The following SMYD3 variants were observed in gnomAD, a reference collection of about 807,000 sequenced individuals.
SMYD3 encodes the protein histone-lysine N-methyltransferase SMYD3.
SMYD3 carries 36 observed loss-of-function variants against 57.7 expected under a neutral mutation model. That is an observed-to-expected ratio of 0.62 (90% confidence interval 0.48 to 0.82). The LOEUF (loss-of-function observed/expected upper bound fraction) is 0.82, where lower values mean the gene tolerates loss of function less well. Ranked by LOEUF, SMYD3 falls within the 40% of genes least tolerant of loss-of-function variation. The pLI is 0.00. For synonymous variants in SMYD3, 211 were observed against 195.0 expected, an observed-to-expected ratio of 1.08 and a Z score of -0.68; for missense variants, 515 against 538.8, an observed-to-expected ratio of 0.96 and a Z score of 0.44.
chr1:246,405,481 T>C (rs2066846838), intron 1 of SMYD3, among the ~76,000 whole-genome samples: 1 of 152,166 alleles, frequency 6.6e-6, no homozygotes, highest in African/African-American at 2.4e-5. Context: ...ATCCCAGAGC[T>C]AGCCAGAAAA....
At chr1:245,839,472 G>GC (rs1572483277) in intron 10 of SMYD3, among the ~76,000 whole-genome samples, 2 of 152,212 alleles carry the variant, frequency 1.3e-5, no homozygotes, top group East Asian at 3.9e-4. Context: ...CCCAGCCCAG[G>GC]CCAGCCTTTC....
chr1:246,103,430 G>T (rs1468542476), intron 5 of SMYD3, among the ~76,000 whole-genome samples: 1 of 151,022 alleles, frequency 6.6e-6, no homozygotes, highest in Admixed American at 6.6e-5. Context: ...GATTCAGTTT[G>T]TCCATGTAAA....
chr1:246,436,137 T>A (rs1438913642), intron 1 of SMYD3, among the ~76,000 whole-genome samples: 1 of 149,152 alleles, frequency 6.7e-6, no homozygotes, highest in African/African-American at 2.5e-5. Flanking sequence ...AGAGAAAATA[T>A]AAAGGCTATG....
chr1:246,149,748 CA>C (rs2061912762), intron 5 of SMYD3, among the ~76,000 whole-genome samples: 1 of 152,148 alleles, frequency 6.6e-6, no homozygotes, highest in Non-Finnish European at 1.5e-5. Flanking sequence ...GCCAAGTAGA[CA>C]GAATATTAAA....
chr1:246,506,517 C>T (rs1018737449), intron 1 of SMYD3, among the ~76,000 whole-genome samples: 2 of 152,184 alleles, frequency 1.3e-5, no homozygotes, highest in East Asian at 1.9e-4. Flanking sequence ...CGTTCCTCTT[C>T]GTATCCCCAG....
intron 10 of SMYD3, among the ~76,000 whole-genome samples, chr1:245,781,296 A>G (rs553114308): frequency 6.6e-6 from 1 of 152,354 alleles, no homozygotes; most frequent in South Asian, 2.1e-4. Flanking sequence ...GACAGATACT[A>G]TTATTGTTGC....
chr1:245,757,085 T>C (rs897938622), intron 11 of SMYD3, among the ~76,000 whole-genome samples: 1 of 152,104 alleles, frequency 6.6e-6, no homozygotes, highest in Non-Finnish European at 1.5e-5. Flanking sequence ...CATATAGCCA[T>C]AACTTTTGCA....
intron 5 of SMYD3, among the ~76,000 whole-genome samples, chr1:246,074,863 G>A (rs1237510643): frequency 6.6e-6 from 1 of 151,646 alleles, no homozygotes; most frequent in Non-Finnish European, 1.5e-5. Context: ...CTTCACAGGG[G>A]TAACAAAGTT....
intron 1 of SMYD3, among the ~76,000 whole-genome samples, chr1:246,492,827 G>A (rs967952333): frequency 1.3e-5 from 2 of 152,168 alleles, no homozygotes; most frequent in Non-Finnish European, 2.9e-5. Flanking sequence ...CTGCCACCTC[G>A]TGGGTCAGCA....
chr1:245,960,038 C>A (rs1236505318), intron 5 of SMYD3, among the ~76,000 whole-genome samples: 1 of 152,180 alleles, frequency 6.6e-6, no homozygotes, highest in Non-Finnish European at 1.5e-5. Flanking sequence ...CTCAGCCTCC[C>A]AAAGTGCTGG....
chr1:245,785,764 C>A (rs1178506294), intron 10 of SMYD3, among the ~76,000 whole-genome samples: 1 of 152,160 alleles, frequency 6.6e-6, no homozygotes, highest in Admixed American at 6.5e-5. Flanking sequence ...AGTGCTGTGA[C>A]TATAGCTCCC....
chr1:246,260,438 G>T (rs1229826275), intron 5 of SMYD3, among the ~76,000 whole-genome samples: 4 of 150,712 alleles, frequency 2.7e-5, no homozygotes, highest in Non-Finnish European at 4.4e-5. Context: ...TGTTGTTGTT[G>T]TTGTTGTTTT....
rs572963123 is a variant in SMYD3 at position 246,120,634 on chromosome 1, T to G, written c.532-190697A>C. On this transcript the variant is annotated intron_variant, in intron 5 of 11. Coordinates refer to ENST00000490107, the MANE Select transcript of SMYD3 (RefSeq NM_001167740.2). ...GTGTCCAGTTCTGTATCTTCAGCACTTGGCATAATGCGTGGCTCATAATGA... is the reference window on the plus strand; with the variant it reads ...GTGTCCAGTTCTGTATCTTCAGCACGTGGCATAATGCGTGGCTCATAATGA... Among the ~76,000 whole-genome samples the G allele has an allele frequency of 3.3e-5, 5 of 152,316 alleles. No homozygotes were observed. In the East Asian group the frequency reaches 9.6e-4, roughly 29 times the overall value.
intron 5 of SMYD3, among the ~76,000 whole-genome samples, chr1:245,980,021 G>A (rs1430590146): frequency 1.3e-5 from 2 of 152,210 alleles, no homozygotes; most frequent in African/African-American, 4.8e-5. Context: ...CCAGCTGTGG[G>A]GCTTTGGGAG....
At chr1:246,191,497 C>T (rs747449133) in intron 5 of SMYD3, among the ~76,000 whole-genome samples, 1 of 152,018 alleles carries the variant, frequency 6.6e-6, no homozygotes, top group Non-Finnish European at 1.5e-5. Flanking sequence ...AACTGAAAGA[C>T]AAGAAAATTT....
intron 1 of SMYD3, among the ~76,000 whole-genome samples, chr1:246,377,435 T>C (rs895245015): frequency 2.0e-5 from 3 of 150,538 alleles, no homozygotes; most frequent in Non-Finnish European, 3.0e-5. Context: ...AATGACGCCA[T>C]CTCAGCTCAC....
At chr1:245,972,654 C>T (rs1043120066) in intron 5 of SMYD3, among the ~76,000 whole-genome samples, 6 of 152,216 alleles carry the variant, frequency 3.9e-5, no homozygotes, top group South Asian at 2.1e-4. Context: ...TGACTAAGTT[C>T]GCTCCAACTG....
chr1:246,242,777 A>G (rs1572267179), intron 5 of SMYD3, among the ~76,000 whole-genome samples: 2 of 145,080 alleles, frequency 1.4e-5, no homozygotes, highest in East Asian at 2.5e-4. Context: ...AATGGAAAAC[A>G]AAAAAAAAGC....
At chr1:245,871,688 T>G (rs958333998) in intron 8 of SMYD3, among the ~76,000 whole-genome samples, 1 of 152,006 alleles carries the variant, frequency 6.6e-6, no homozygotes, top group African/African-American at 2.4e-5. Flanking sequence ...CTGTGTAGTC[T>G]TGGCAAGTCC....
Sources: allele counts gnomAD v4.1 joint callset (sites outside exome capture counted in the v4.1 genomes callset), GRCh38; gene constraint gnomAD v4.1.1; transcripts MANE v1.5; gene names NCBI Gene and HGNC (gene_info 2026-07-23, HGNC 2026-07-21).